Variants in PLCL1 observed in about 807,000 individuals in gnomAD.
PLCL1 encodes inactive phospholipase C-like protein 1.
In PLCL1, 41 loss-of-function variants were observed where a neutral mutation model predicts 84.4. That is an observed-to-expected ratio of 0.49 (90% CI 0.38 to 0.63). The LOEUF (loss-of-function observed/expected upper bound fraction) is 0.63. Ranked by LOEUF, PLCL1 falls within the 30% of genes least tolerant of loss-of-function variation. PLCL1 has a pLI of 0.00. For missense variants in PLCL1, 1,206 were observed against 1,367.8 expected (o/e 0.88, Z 1.87); for synonymous variants, 490 against 488.3 (o/e 1.00, Z -0.05).
At chr2:197,928,946 G>T (rs983823871) in intron 1 of PLCL1, among the ~76,000 whole-genome samples, 3 of 151,948 alleles carry the variant, frequency 2.0e-5, no homozygotes, top group Non-Finnish European at 4.4e-5. Context: ...GGATTATATT[G>T]TTTCCCCTTT....
chr2:198,085,112 A>G lies in PLCL1; in HGVS notation c.1595A>G (p.Lys532Arg), dbSNP rs777477678. The part of the protein sequence containing the change: ...PSESYLPSPE[K>R]LKRMIIVKGK... ...GAATCCTACCTCCCATCACCAGAAA[A>G]ATTAAAAAGAATGATCATTGTGAAA... The change falls in exon 2 of 6, where the codon AAA (lysine) becomes AGA (arginine). Residue 532 changes from lysine (K) to arginine (R), a missense_variant. Transcript: ENST00000428675. The surrounding 1 kb of genome is among the most constrained non-coding windows in gnomAD (Gnocchi z 5.3). 6.2e-6 allele frequency: 10 copies of G among 1,613,968 alleles called. No homozygotes were observed. Among genetic ancestry groups the G allele is most frequent in the Middle Eastern group, 3.3e-4 (2 of 6,084 alleles).
chr2:198,001,049 T>C (rs561753170), intron 1 of PLCL1, among the ~76,000 whole-genome samples: 1 of 152,172 alleles, frequency 6.6e-6, no homozygotes, highest in Non-Finnish European at 1.5e-5. Flanking sequence ...GTGTTTTCTG[T>C]TTACTAGCTG....
intron 1 of PLCL1, among the ~76,000 whole-genome samples, chr2:197,929,947 C>T (rs1688901902): frequency 6.6e-6 from 1 of 152,104 alleles, no homozygotes. Flanking sequence ...GTTCTTTTGA[C>T]ATTTTTTCTC....
intron 1 of PLCL1, among the ~76,000 whole-genome samples, chr2:198,064,974 A>G (rs1250622238): frequency 2.0e-5 from 3 of 152,170 alleles, no homozygotes; most frequent in Non-Finnish European, 2.9e-5. Context: ...GAAATACAGA[A>G]TAAGACTGAG....
chr2:197,962,719 T>A (rs182720644), intron 1 of PLCL1, among the ~76,000 whole-genome samples: 1 of 152,170 alleles, frequency 6.6e-6, no homozygotes, highest in East Asian at 1.9e-4. Context: ...TACCCATTAA[T>A]CATCCCCACT....
At chr2:197,951,843 T>C (rs1479433927) in intron 1 of PLCL1, among the ~76,000 whole-genome samples, 1 of 152,122 alleles carries the variant, frequency 6.6e-6, no homozygotes, top group Non-Finnish European at 1.5e-5. Context: ...CTGAGGAACA[T>C]GAACTTGTGT....
chr2:198,078,773 A>G (rs1262303289), intron 1 of PLCL1, among the ~76,000 whole-genome samples: 1 of 152,168 alleles, frequency 6.6e-6, no homozygotes, highest in Non-Finnish European at 1.5e-5. Flanking sequence ...AGATATTTAA[A>G]TATGCTCATG....
At chr2:198,012,819 AG>A (rs1225408459) in intron 1 of PLCL1, among the ~76,000 whole-genome samples, 1 of 151,750 alleles carries the variant, frequency 6.6e-6, no homozygotes, top group Non-Finnish European at 1.5e-5. Context: ...AAACTGAAAG[AG>A]GTTTAGTGTT....
intron 1 of PLCL1, among the ~76,000 whole-genome samples, chr2:197,922,794 C>T (rs1688734707): frequency 7.5e-6 from 1 of 133,550 alleles, no homozygotes; most frequent in African/African-American, 2.7e-5. Context: ...CCCCACCTCC[C>T]TCCCGGACGG....
At chr2:197,839,605 G>A (rs1344926969) in intron 1 of PLCL1, among the ~76,000 whole-genome samples, 2 of 152,122 alleles carry the variant, frequency 1.3e-5, no homozygotes, top group South Asian at 2.1e-4. Context: ...GACTGACACC[G>A]GTCCGTAGCC....
intron 1 of PLCL1, among the ~76,000 whole-genome samples, chr2:198,060,163 C>T (rs955988895): frequency 2.6e-5 from 4 of 152,142 alleles, no homozygotes; most frequent in Non-Finnish European, 4.4e-5. Flanking sequence ...AAATCAGAAA[C>T]GACCATTCAC....
intron 1 of PLCL1, among the ~76,000 whole-genome samples, chr2:197,975,620 A>G (rs1168357035): frequency 6.8e-6 from 1 of 148,078 alleles, no homozygotes; most frequent in Non-Finnish European, 1.5e-5. Context: ...TCTGTGCAAC[A>G]GAGTGAGACC....
intron 1 of PLCL1, among the ~76,000 whole-genome samples, chr2:197,979,764 G>A (rs1690066059): frequency 6.6e-6 from 1 of 151,920 alleles, no homozygotes; most frequent in Non-Finnish European, 1.5e-5. Flanking sequence ...TGTTCTTCTG[G>A]GGCTTGAAAG....
chr2:197,913,495 T>C (rs1688531205), intron 1 of PLCL1, among the ~76,000 whole-genome samples: 1 of 152,228 alleles, frequency 6.6e-6, no homozygotes, highest in East Asian at 1.9e-4. Context: ...AAATAACATT[T>C]ACCCATAGTT....
In PLCL1 at chr2:198,085,912, C is replaced by G. The variant is rs1559099665; in HGVS notation, c.2395C>G (p.Leu799Val). ...GCTGGCCATGATCCGTTTTGTTGTT[C>G]TGGATGATGACTACATTGGGGATGA... ...PELAMIRFVV[L>V]DDDYIGDEFI... is the part of the protein sequence containing the mutation. The change falls in exon 2 of 6, where the codon CTG (leucine) becomes GTG (valine). Residue 799 changes from leucine (L) to valine (V), a missense_variant. Transcript: ENST00000428675. This position sits in a 1 kb window ranked among gnomAD's most constrained non-coding sequence, Gnocchi z 5.3. 6.2e-7 allele frequency: 1 copy of G among 1,614,040 alleles called. No homozygotes were observed. Among genetic ancestry groups the G allele is most frequent in the Non-Finnish European group, 8.5e-7 (1 of 1,179,936 alleles).
chr2:198,113,179 A>C (rs1693663033), intron 5 of PLCL1, among the ~76,000 whole-genome samples: 1 of 151,866 alleles, frequency 6.6e-6, no homozygotes, highest in African/African-American at 2.4e-5. Context: ...CAAAATAAAG[A>C]CCCTTCTCTC....
At chr2:197,961,770 T>A (rs1272389925) in intron 1 of PLCL1, among the ~76,000 whole-genome samples, 4 of 151,804 alleles carry the variant, frequency 2.6e-5, no homozygotes, top group Non-Finnish European at 2.9e-5. Context: ...ACCTTAGGGG[T>A]TGTTTTGATT....
intron 2 of PLCL1, among the ~76,000 whole-genome samples, chr2:198,086,926 A>G (rs772302371): frequency 6.6e-6 from 1 of 152,216 alleles, no homozygotes; most frequent in African/African-American, 2.4e-5. Context: ...ACATATTTGC[A>G]TATATGATCA....
chr2:198,052,884 G>A (rs1691975310), intron 1 of PLCL1, among the ~76,000 whole-genome samples: 1 of 152,190 alleles, frequency 6.6e-6, no homozygotes, highest in Non-Finnish European at 1.5e-5. Context: ...TAGCCTGGAA[G>A]AAGACTGGAG....
Sources: allele counts gnomAD v4.1 joint callset (sites outside exome capture counted in the v4.1 genomes callset), GRCh38; gene constraint gnomAD v4.1.1; non-coding constraint Gnocchi (gnomAD v3.1); transcripts MANE v1.5; gene names NCBI Gene and HGNC (gene_info 2026-07-23, HGNC 2026-07-21).